Variants in PXN observed in about 807,000 individuals in gnomAD.
PXN encodes paxillin, also known as testicular tissue protein Li 134.
Under a neutral mutation model 103.6 loss-of-function variants are expected in PXN, and 61 were observed. The observed-to-expected ratio is 0.59, with a 90% CI of 0.48 to 0.73. The LOEUF (loss-of-function observed/expected upper bound fraction) is 0.73. Among genes scored for constraint, PXN ranks in the 30% least tolerant of loss-of-function variants. The pLI is 0.00. For synonymous variants in PXN, 562 were observed against 607.8 expected (o/e 0.92, Z 1.11); for missense variants, 1,274 against 1,460.3 (o/e 0.87, Z 2.08).
In PXN at chr12:120,224,668, G is replaced by A. The variant is rs926719376; in HGVS notation, c.14-291C>T. On this transcript the variant is annotated intron_variant, in intron 1 of 14. Coordinates refer to ENST00000637617, the MANE Select transcript of PXN (RefSeq NM_001385981.1). The surrounding 1 kb of genome is among the most constrained non-coding windows in gnomAD (Gnocchi z 5.0). ...CTCTGGGAGTCAGGCACCTGGCACT[G>A]CGTTCCCTCCTGACAGGGCCGCGCA... 8 of 644,946 alleles carry A rather than the reference G, an allele frequency of 1.2e-5. No individual in the cohort carries two copies. In the Admixed American group the frequency reaches 1.7e-4, roughly 13 times the overall value. The allele number at this position is 644,946 out of a possible 1,614,324, so 40.0% of individuals were successfully genotyped here. A position where few individuals can be genotyped will look rare whatever the true frequency, so the allele number is the denominator to read the frequency against.
In PXN at chr12:120,224,088, G is replaced by A; in HGVS notation, c.240+63C>T. On this transcript the variant is annotated intron_variant, in intron 2 of 14. Transcript: ENST00000637617. This position sits in a 1 kb window ranked among gnomAD's most constrained non-coding sequence, Gnocchi z 5.0. ...CCATCCCCTGGCTCCCTAAGCCCCT[G>A]CCAGCTAAGTTCCCTCTGTCCCCCA... 7.5e-7 allele frequency: 1 copy of A among 1,336,930 alleles called. No homozygotes were observed. The highest frequency in any genetic ancestry group is 1.0e-6 in the Non-Finnish European group (1 of 981,016). The allele number at this position is 1,336,930 out of a possible 1,614,324, so 82.8% of individuals were successfully genotyped here.
intron 1 of PXN, among the ~76,000 whole-genome samples, chr12:120,245,268 T>A (rs565999388): frequency 1.3e-4 from 20 of 152,108 alleles, no homozygotes; most frequent in African/African-American, 4.8e-4. Context: ...TGGGGCTGTG[T>A]AGCCCAGAGA....
At chr12:120,242,993 G>A (rs1039143057) in intron 1 of PXN, among the ~76,000 whole-genome samples, 5 of 152,108 alleles carry the variant, frequency 3.3e-5, no homozygotes, top group Non-Finnish European at 7.4e-5. Context: ...CAATGAAGAT[G>A]CAAAGCCTAA....
chr12:120,245,737 G>A (rs555027072), intron 1 of PXN, among the ~76,000 whole-genome samples: 53 of 145,284 alleles, frequency 3.6e-4, no homozygotes, highest in African/African-American at 1.3e-3. Flanking sequence ...TCAGTGAGCC[G>A]AGATCGCACG....
chr12:120,251,056 T>G (rs1892082081), intron 1 of PXN, among the ~76,000 whole-genome samples: 1 of 148,536 alleles, frequency 6.7e-6, no homozygotes, highest in African/African-American at 2.5e-5. Flanking sequence ...ATACAAAAAA[T>G]TAGCTGGGTG....
chr12:120,227,164 T>C lies in PXN; in HGVS notation c.14-2787A>G, dbSNP rs1887032895. The C allele has an allele frequency of 9.1e-6, 9 of 988,360 alleles. No individual in the cohort carries two copies. In the South Asian group the frequency reaches 3.2e-4, roughly 35 times the overall value. The allele number at this position is 988,360 out of a possible 1,614,324, so 61.2% of individuals were successfully genotyped here. On this transcript the variant is annotated intron_variant, in intron 1 of 14. Coordinates refer to ENST00000637617, the MANE Select transcript of PXN (RefSeq NM_001385981.1). ...ATAAAGTAACATTCAAATTGTAGCA[T>C]GTCCCAGCCTGGGCAAAACAGTGAG...
Position 120,212,610 on chromosome 12 carries a change from C to T in PXN, c.2980-30G>A. On this transcript the variant is annotated intron_variant, in intron 14 of 14. Coordinates refer to ENST00000637617, the MANE Select transcript of PXN (RefSeq NM_001385981.1). This position sits in a 1 kb window ranked among gnomAD's most constrained non-coding sequence, Gnocchi z 7.2. ...CAGGCGGAGAGAGGGGCTCAGGGAGCTGCCCCTCGGGCTAGAGCTGCACCC... is the reference window on the plus strand; with the variant it reads ...CAGGCGGAGAGAGGGGCTCAGGGAGTTGCCCCTCGGGCTAGAGCTGCACCC... 2 of 1,599,880 alleles carry T rather than the reference C, an allele frequency of 1.3e-6. No homozygotes were observed. Among genetic ancestry groups the T allele is most frequent in the East Asian group, 4.5e-5 (2 of 44,722 alleles).
intron 1 of PXN, among the ~76,000 whole-genome samples, chr12:120,231,139 A>C (rs1186968545): frequency 6.6e-6 from 1 of 152,216 alleles, no homozygotes; most frequent in Non-Finnish European, 1.5e-5. Flanking sequence ...GGGGCCCCTC[A>C]GCGGATCCTC....
intron 1 of PXN, among the ~76,000 whole-genome samples, chr12:120,241,780 G>C (rs1157247826): frequency 3.3e-5 from 5 of 152,214 alleles, no homozygotes; most frequent in African/African-American, 1.2e-4. Flanking sequence ...CCACTGGGGA[G>C]TCTGGACTTA....
chr12:120,233,016 G>A (rs771636707), intron 1 of PXN, among the ~76,000 whole-genome samples: 1 of 152,048 alleles, frequency 6.6e-6, no homozygotes. Flanking sequence ...CTTCCTTCGC[G>A]GGGCCTCTCC....
At chr12:120,248,878 T>C (rs963174422) in intron 1 of PXN, 1 of 152,266 alleles carries the variant, frequency 6.6e-6, no homozygotes, top group African/African-American at 2.4e-5. Flanking sequence ...GGTTCACGTC[T>C]GTAATCCCAA....
intron 1 of PXN, among the ~76,000 whole-genome samples, chr12:120,235,312 G>A (rs1050152433): frequency 6.6e-6 from 1 of 152,144 alleles, no homozygotes; most frequent in Non-Finnish European, 1.5e-5. Context: ...ACGGGGCTGC[G>A]AGGCTAGAAA....
At position 120,229,930 on chromosome 12, in the gene PXN, T is replaced by G. The variant is rs1209660441; in HGVS notation, c.14-5553A>C. On this transcript the variant is annotated intron_variant, in intron 1 of 14. Transcript: ENST00000637617. The surrounding 1 kb of genome is among the most constrained non-coding windows in gnomAD (Gnocchi z 4.0). ...TGGTCCCTGCCCACCTTTGCCATTC[T>G]GGACTCCTCCACCAGCAGCCCCAGG... Among the ~76,000 whole-genome samples, 1 of 152,192 alleles carries G rather than the reference T, an allele frequency of 6.6e-6. No homozygotes were observed. The highest frequency in any genetic ancestry group is 2.4e-5 in the African/African-American group (1 of 41,440).
intron 1 of PXN, among the ~76,000 whole-genome samples, chr12:120,238,250 G>A (rs1485345839): frequency 6.6e-6 from 1 of 152,162 alleles, no homozygotes; most frequent in Non-Finnish European, 1.5e-5. Flanking sequence ...CAGGGGAGAG[G>A]GATAGGGTGG....
intron 1 of PXN, among the ~76,000 whole-genome samples, chr12:120,259,635 G>A (rs1300973097): frequency 1.3e-5 from 2 of 152,130 alleles, no homozygotes; most frequent in Admixed American, 1.3e-4. Context: ...TCCCTGGAGA[G>A]GCCAGCCCTG....
At chr12:120,262,607 G>A (rs762362698) in intron 1 of PXN, among the ~76,000 whole-genome samples, 1 of 152,162 alleles carries the variant, frequency 6.6e-6, no homozygotes, top group Non-Finnish European at 1.5e-5. Flanking sequence ...GTAAAGTGCT[G>A]AGTACAGTGC....
rs1362570909 is a variant in PXN at position 120,213,725 on chromosome 12, C to G, written c.2979+117G>C. The G allele has an allele frequency of 2.9e-6, 4 of 1,385,220 alleles. No homozygotes were observed. In the East Asian group the frequency reaches 1.0e-4, roughly 35 times the overall value. The allele number at this position is 1,385,220 out of a possible 1,614,324, so 85.8% of individuals were successfully genotyped here. ...GGAAGGAGATCCCCTGCCTGCTCCC[C>G]CAATTAATAACCCCAAATGAGGCCT... On this transcript the variant is annotated intron_variant, in intron 14 of 14. Transcript: ENST00000637617. This position sits in a 1 kb window ranked among gnomAD's most constrained non-coding sequence, Gnocchi z 4.2.
rs1314275560 is a variant in PXN, at chr12:120,214,876, G to T, written c.2697C>A (p.Tyr899Ter). The T allele has an allele frequency of 6.2e-7, 1 of 1,614,010 alleles. No individual in the cohort carries two copies. The highest frequency in any genetic ancestry group is 8.5e-7 in the Non-Finnish European group (1 of 1,179,888). The change falls in exon 12 of 15, where the codon TAC becomes TAA. Residue 899 changes from tyrosine to a stop codon, truncating the protein, a stop_gained. Coordinates refer to ENST00000637617, the MANE Select transcript of PXN (RefSeq NM_001385981.1). LOFTEE classifies it high-confidence loss of function. This position sits in a 1 kb window ranked among gnomAD's most constrained non-coding sequence, Gnocchi z 5.0. Reference protein sequence around the residue: ...RDGQPYCEKDYHNLFSPRCYY... With the variant: ...RDGQPYCEKD ...AGCAGCGCGGGGAGAAGAGGTTGTG[G>T]TAGTCCTTTTCACAGTAGGGCTGTC... is the stretch of plus-strand genomic sequence containing the variant.
rs1043914234 is a variant in PXN, at chr12:120,217,299, G to T, written c.1717-183C>A. Among the ~76,000 whole-genome samples, 4 of 152,128 alleles carry T rather than the reference G, an allele frequency of 2.6e-5. No homozygotes were observed. Among genetic ancestry groups the T allele is most frequent in the African/African-American group, 9.7e-5 (4 of 41,416 alleles). ...CCGGTGGAGGTGGGTAGAGGCAAGGGGAGGGGGCAGATCGGACTGGCTCCA... is the reference window on the plus strand; with the variant it reads ...CCGGTGGAGGTGGGTAGAGGCAAGGTGAGGGGGCAGATCGGACTGGCTCCA... On this transcript the variant is annotated intron_variant, in intron 7 of 14. Coordinates refer to ENST00000637617, the MANE Select transcript of PXN (RefSeq NM_001385981.1). This position sits in a 1 kb window ranked among gnomAD's most constrained non-coding sequence, Gnocchi z 4.1.
Sources: allele counts gnomAD v4.1 joint callset (sites outside exome capture counted in the v4.1 genomes callset), GRCh38; gene constraint gnomAD v4.1.1; non-coding constraint Gnocchi (gnomAD v3.1); transcripts MANE v1.5; gene names NCBI Gene and HGNC (gene_info 2026-07-23, HGNC 2026-07-21).